The following NARS2 variants were observed in gnomAD, a reference collection of about 807,000 sequenced individuals.
NARS2 encodes the protein asparaginyl-tRNA synthetase 2, mitochondrial.
NARS2 carries 60 observed loss-of-function variants against 62.9 expected under a neutral mutation model. The ratio of observed to expected loss-of-function variants is 0.95; its 90% CI spans 0.77 to 1.18. The LOEUF is 1.18. Among genes scored for constraint, NARS2 ranks in the 50% most tolerant of loss-of-function variants. The probability of loss-of-function intolerance (pLI) is 0.00; values close to 1 mark genes in which losing one functional copy is unlikely to be tolerated. For missense variants in NARS2, 619 were observed against 576.4 expected, an observed-to-expected ratio of 1.07 and a Z score of -0.76; for synonymous variants, 196 against 200.0, an observed-to-expected ratio of 0.98 and a Z score of 0.17.
chr11:78,568,039 G>A (rs1180768088), intron 3 of NARS2, among the ~76,000 whole-genome samples: 1 of 152,164 alleles, frequency 6.6e-6, no homozygotes, highest in Non-Finnish European at 1.5e-5. Context: ...GCAAAAACAG[G>A]CATAAACATG....
intron 4 of NARS2, among the ~76,000 whole-genome samples, chr11:78,564,892 A>C (rs984279300): frequency 2.0e-5 from 3 of 152,224 alleles, no homozygotes; most frequent in Admixed American, 2.0e-4. Context: ...AGTGAATCTG[A>C]AGGAGCTTTT....
At chr11:78,457,830 A>G (rs962521040) in intron 11 of NARS2, among the ~76,000 whole-genome samples, 10 of 150,844 alleles carry the variant, frequency 6.6e-5, no homozygotes, top group Admixed American at 2.0e-4. Flanking sequence ...ACACACACAA[A>G]CACACACACA....
intron 11 of NARS2, among the ~76,000 whole-genome samples, chr11:78,458,488 AGGTGG>A (rs57582313): frequency 0.22 from 34,007 of 151,908 alleles, 4,094 homozygotes; most frequent in East Asian, 0.41. Flanking sequence ...TAATACACAG[AGGTGG>A]GGTGGGGACT....
intron 13 of NARS2, among the ~76,000 whole-genome samples, chr11:78,438,549 T>C (rs779211862): frequency 1.4e-4 from 22 of 152,336 alleles, no homozygotes; most frequent in Non-Finnish European, 2.8e-4. Context: ...GGCATGAATA[T>C]CTGCAAACTG....
chr11:78,509,560 A>T (rs1860635614), intron 6 of NARS2, among the ~76,000 whole-genome samples: 1 of 152,160 alleles, frequency 6.6e-6, no homozygotes, highest in Non-Finnish European at 1.5e-5. Context: ...TAAAACTAGT[A>T]TTATTGCAAA....
At chr11:78,458,929 G>A (rs10899507) in intron 11 of NARS2, among the ~76,000 whole-genome samples, 35 of 150,606 alleles carry the variant, frequency 2.3e-4, no homozygotes, top group Non-Finnish European at 4.0e-4. Flanking sequence ...TTGTTTGTTT[G>A]TTTTTTTGAG....
At chr11:78,493,795 G>A (rs1241030906) in intron 6 of NARS2, among the ~76,000 whole-genome samples, 2 of 152,068 alleles carry the variant, frequency 1.3e-5, no homozygotes, top group Non-Finnish European at 2.9e-5. Context: ...ACTTCTGGGT[G>A]CACTCTACTG....
At chr11:78,465,103 C>CGAGCCCTGCCCCACGGGAAGGCAGCT (rs1858563955) in intron 11 of NARS2, among the ~76,000 whole-genome samples, 1 of 152,216 alleles carries the variant, frequency 6.6e-6, no homozygotes, top group African/African-American at 2.4e-5. Context: ...CTGCAGGTCC[C>CGAGCCCTGCCCCACGGGAAGGCAGCT]GAGCCCTGCC....
At chr11:78,523,331 G>T (rs1861193714) in intron 6 of NARS2, among the ~76,000 whole-genome samples, 1 of 152,194 alleles carries the variant, frequency 6.6e-6, no homozygotes, top group African/African-American at 2.4e-5. Flanking sequence ...CATTTGCAAG[G>T]ATGTGGAGAA....
intron 7 of NARS2, among the ~76,000 whole-genome samples, chr11:78,489,716 C>T (rs542436780): frequency 2.0e-5 from 3 of 152,204 alleles, no homozygotes; most frequent in East Asian, 1.9e-4. Context: ...TAAAACATCA[C>T]ATCAAACACT....
At chr11:78,455,128 T>C (rs144641544) in intron 11 of NARS2, among the ~76,000 whole-genome samples, 73 of 152,310 alleles carry the variant, frequency 4.8e-4, no homozygotes, top group African/African-American at 1.7e-3. Context: ...AGGTTAATTT[T>C]TTCATCTTGC....
At chr11:78,537,605 C>G (rs1398494629) in intron 5 of NARS2, among the ~76,000 whole-genome samples, 6 of 152,132 alleles carry the variant, frequency 3.9e-5, no homozygotes, top group African/African-American at 1.4e-4. Context: ...GAGACCAGCC[C>G]TGGGCAACAT....
chr11:78,536,499 G>C (rs1400911913), intron 5 of NARS2, among the ~76,000 whole-genome samples: 2 of 151,936 alleles, frequency 1.3e-5, no homozygotes, highest in Non-Finnish European at 2.9e-5. Flanking sequence ...ATAGGCCTAG[G>C]CTAATGTATT....
chr11:78,557,825 T>C (rs1856413962), intron 5 of NARS2, among the ~76,000 whole-genome samples: 3 of 146,900 alleles, frequency 2.0e-5, no homozygotes, highest in African/African-American at 7.6e-5. Context: ...ATATTATATA[T>C]ATATATCTCT....
At position 78,440,457 on chromosome 11, in the gene NARS2, T is replaced by G. The variant is rs117489505; in HGVS notation, c.1289+634A>C. On this transcript the variant is annotated intron_variant, in intron 13 of 13. Coordinates refer to ENST00000281038, the MANE Select transcript of NARS2 (RefSeq NM_024678.6). The stretch of plus-strand genomic sequence containing the variant: ...AGTTAGTTAACATCTCTGGGCCTCA[T>G]GCCTAGGGAGTAATAAGAAGGGTCA... Among the ~76,000 whole-genome samples the G allele has an allele frequency of 4.1e-4, 62 of 152,270 alleles. 2 individuals are homozygous for G. In the East Asian group the frequency reaches 0.012, roughly 29 times the overall value.
At chr11:78,492,136 T>C (rs7927131) in intron 7 of NARS2, among the ~76,000 whole-genome samples, 110,803 of 147,900 alleles carry the variant, frequency 0.75, 41,841 homozygotes, top group Non-Finnish European at 0.81. Flanking sequence ...CACACACACA[T>C]ATATAGATTT....
At chr11:78,493,687 GAA>G (rs553347200) in intron 6 of NARS2, among the ~76,000 whole-genome samples, 2 of 145,244 alleles carry the variant, frequency 1.4e-5, no homozygotes, top group African/African-American at 5.0e-5. Context: ...AAAAAAAAAA[GAA>G]AAAAAAAAGT....
chr11:78,499,534 A>G (rs1290183366), intron 6 of NARS2, among the ~76,000 whole-genome samples: 1 of 152,250 alleles, frequency 6.6e-6, no homozygotes, highest in Non-Finnish European at 1.5e-5. Flanking sequence ...GTTCTGCGAA[A>G]TAATAGTTCA....
intron 11 of NARS2, among the ~76,000 whole-genome samples, chr11:78,456,114 T>G (rs1046765885): frequency 2.6e-5 from 4 of 152,180 alleles, no homozygotes; most frequent in Non-Finnish European, 4.4e-5. Flanking sequence ...GTCTTTTCCT[T>G]GCTACTTTTA....
Sources: allele counts gnomAD v4.1 joint callset (sites outside exome capture counted in the v4.1 genomes callset), GRCh38; gene constraint gnomAD v4.1.1; transcripts MANE v1.5; gene names NCBI Gene and HGNC (gene_info 2026-07-23, HGNC 2026-07-21).